Variants in TXNRD1 observed in about 807,000 individuals in gnomAD.
TXNRD1 encodes thioredoxin reductase 1.
TXNRD1 carries 57 observed loss-of-function variants against 80.3 expected under a neutral mutation model. That is an observed-to-expected ratio of 0.71 (90% CI 0.57 to 0.89). The LOEUF is 0.89. TXNRD1 is among the 40% of genes least tolerant of loss of function. The pLI is 0.00. For synonymous variants in TXNRD1, 291 were observed against 285.2 expected, an observed-to-expected ratio of 1.02 and a Z score of -0.20; for missense variants, 730 against 803.0, an observed-to-expected ratio of 0.91 and a Z score of 1.10.
intron 1 of TXNRD1, among the ~76,000 whole-genome samples, chr12:104,230,681 C>T (rs1312426415): frequency 6.6e-6 from 1 of 151,938 alleles, no homozygotes; most frequent in Non-Finnish European, 1.5e-5. Context: ...TTTTAAGGAG[C>T]AGAAAGTTTA....
intron 3 of TXNRD1, chr12:104,265,380 G>A (rs1037744798): frequency 7.5e-6 from 12 of 1,607,344 alleles, no homozygotes; most frequent in Admixed American, 5.0e-5. Context: ...AATGCCACAC[G>A]CCGCCCCTCT....
intron 3 of TXNRD1, among the ~76,000 whole-genome samples, chr12:104,272,569 C>A (rs959345620): frequency 6.6e-6 from 1 of 152,100 alleles, no homozygotes; most frequent in Non-Finnish European, 1.5e-5. Context: ...CCAAGGCGAG[C>A]AGATCACGAG....
rs1281450463 is a variant in TXNRD1, at chr12:104,265,817, A to C, written c.304+7738A>C. 30 of 1,497,178 alleles carry C rather than the reference A, an allele frequency of 2.0e-5. 1 individual carries two copies. In the Admixed American group the frequency reaches 3.9e-4, roughly 19 times the overall value. 92.7% of individuals were successfully genotyped at this position (1,497,178 alleles called of 1,614,324 possible). ...CAGCACAAGCCACGCTTCACCACCA[A>C]GAGGCCCAACACCTTCTTCTAGGTG... On this transcript the variant is annotated intron_variant, in intron 3 of 16. Coordinates refer to ENST00000525566, the MANE Select transcript of TXNRD1 (RefSeq NM_001093771.3).
chr12:104,235,035 AG>A (rs1248054862), intron 1 of TXNRD1, among the ~76,000 whole-genome samples: 2 of 152,178 alleles, frequency 1.3e-5, no homozygotes, highest in African/African-American at 4.8e-5. Flanking sequence ...AGCTGGGGGA[AG>A]GTGTTGGATA....
chr12:104,279,820 T>C (rs1022481502), intron 3 of TXNRD1, among the ~76,000 whole-genome samples: 13 of 152,052 alleles, frequency 8.5e-5, no homozygotes, highest in African/African-American at 3.1e-4. Context: ...ATCCCAGCAC[T>C]TTGGGAGGCC....
intron 1 of TXNRD1, among the ~76,000 whole-genome samples, chr12:104,219,403 C>T (rs1440636284): frequency 6.6e-6 from 1 of 152,198 alleles, no homozygotes; most frequent in Admixed American, 6.5e-5. Flanking sequence ...GCTTGAATGA[C>T]TCTTCAACCG....
chr12:104,267,667 T>C (rs1267527737), intron 3 of TXNRD1, among the ~76,000 whole-genome samples: 1 of 36,300 alleles, frequency 2.8e-5, no homozygotes, highest in Non-Finnish European at 6.2e-5. Context: ...CTTTCTTTCT[T>C]TCTTTCTTTC....
chr12:104,262,609 A>C (rs2033390925), intron 3 of TXNRD1: 1 of 152,172 alleles, frequency 6.6e-6, no homozygotes, highest in Non-Finnish European at 1.5e-5. Flanking sequence ...AAGTCAGAAG[A>C]TCAATTGGTA....
chr12:104,255,551 C>A (rs1366095513), intron 2 of TXNRD1, among the ~76,000 whole-genome samples: 1 of 152,154 alleles, frequency 6.6e-6, no homozygotes, highest in Non-Finnish European at 1.5e-5. Context: ...GTACTCCCAG[C>A]ACTTTGGGAG....
intron 2 of TXNRD1, among the ~76,000 whole-genome samples, chr12:104,255,645 T>A (rs1344983565): frequency 2.6e-5 from 4 of 151,996 alleles, no homozygotes; most frequent in African/African-American, 9.7e-5. Flanking sequence ...ATACAAAAAT[T>A]AGCCGGGCTT....
At chr12:104,215,937 A>T (rs2032197033) in intron 1 of TXNRD1, 44 bp downstream of exon 1, 1 of 1,502,090 alleles carries the variant, frequency 6.7e-7, no homozygotes, top group Non-Finnish European at 9.0e-7. Flanking sequence ...CGACGGGCCG[A>T]AGCGGGCCTT....
chr12:104,295,188 C>T (rs1030641607), intron 4 of TXNRD1, among the ~76,000 whole-genome samples: 40 of 152,034 alleles, frequency 2.6e-4, no homozygotes, highest in Admixed American at 2.2e-3. Context: ...GCTCCTCCTA[C>T]TTCTACCAGG....
chr12:104,271,183 C>CTTT (rs1165430972), intron 3 of TXNRD1, among the ~76,000 whole-genome samples: 26 of 127,298 alleles, frequency 2.0e-4, no homozygotes, highest in East Asian at 4.7e-4. Context: ...TTAGTTCTTT[C>CTTT]TTTTTTTTTT....
At chr12:104,299,338 G>A (rs1390588178) in intron 4 of TXNRD1, among the ~76,000 whole-genome samples, 1 of 151,616 alleles carries the variant, frequency 6.6e-6, no homozygotes, top group East Asian at 1.9e-4. Flanking sequence ...CCCTCCCACA[G>A]TCTGTGGTCT....
At chr12:104,318,169 T>G (rs920426008) in intron 7 of TXNRD1, among the ~76,000 whole-genome samples, 1 of 152,218 alleles carries the variant, frequency 6.6e-6, no homozygotes, top group Admixed American at 6.5e-5. Context: ...CTTTGAAATT[T>G]AATATTACTT....
intron 1 of TXNRD1, among the ~76,000 whole-genome samples, chr12:104,225,904 G>A (rs1593681302): frequency 1.3e-5 from 2 of 151,948 alleles, no homozygotes; most frequent in Middle Eastern, 3.4e-3. Context: ...GGAAACAATA[G>A]AAAAAGGAGC....
In TXNRD1 at chr12:104,251,656, C is replaced by G; in HGVS notation, c.221C>G (p.Ser74Cys). The change falls in exon 2 of 17, where the codon TCC becomes TGC. Residue 74 changes from serine (S) to cysteine (C), a missense_variant. Transcript: ENST00000525566. ...DGHSVVIFSR[S>C]TCTRCTEVKK... ...CACTCTGTGGTCATCTTCAGTAGGT[C>G]CACATGCACACGCTGTACTGAGGTA... 1 of 1,613,930 alleles carries G rather than the reference C, an allele frequency of 6.2e-7. No homozygotes were observed. Among genetic ancestry groups the G allele is most frequent in the Non-Finnish European group, 8.5e-7 (1 of 1,179,876 alleles).
intron 3 of TXNRD1, among the ~76,000 whole-genome samples, chr12:104,267,673 C>G (rs553892180): frequency 6.3e-5 from 4 of 63,264 alleles, no homozygotes; most frequent in Non-Finnish European, 1.3e-4. Context: ...TTCTTTCTTT[C>G]TTTCTTTCTT....
chr12:104,327,346 T>C (rs1344031591), intron 12 of TXNRD1, among the ~76,000 whole-genome samples, 169 bp from the exon 13 acceptor site: 4 of 152,336 alleles, frequency 2.6e-5, no homozygotes, highest in East Asian at 1.9e-4. Context: ...ATTGTCATTA[T>C]CTGATAAGAT....
Sources: gnomAD v4.1 joint callset for allele counts (sites outside exome capture counted in the v4.1 genomes callset) on GRCh38, gnomAD v4.1.1 for gene constraint, MANE v1.5 for transcripts, NCBI Gene and HGNC (gene_info 2026-07-23, HGNC 2026-07-21) for gene names.